The following DPYD variants were observed in gnomAD, a reference collection of about 807,000 sequenced individuals.
The protein encoded by DPYD is dihydropyrimidine dehydrogenase [NADP(+)].
Under a neutral mutation model 116.2 loss-of-function variants are expected in DPYD, and 109 were observed. That is an observed-to-expected ratio of 0.94 (90% CI 0.80 to 1.10). The LOEUF (loss-of-function observed/expected upper bound fraction) is 1.10. Ranked by LOEUF, DPYD falls within the 50% of genes least tolerant of loss-of-function variation. The pLI is 0.00. For missense variants in DPYD, 1,302 were observed against 1,254.5 expected (o/e 1.04, Z -0.57); for synonymous variants, 440 against 432.0 (o/e 1.02, Z -0.23).
At chr1:97,217,346 T>C (rs1019812242) in intron 19 of DPYD, among the ~76,000 whole-genome samples, 1 of 152,242 alleles carries the variant, frequency 6.6e-6, no homozygotes, top group Non-Finnish European at 1.5e-5. Flanking sequence ...ATCCTAAATC[T>C]GGTTTCTGAA....
chr1:97,087,401 C>A (rs770717611), intron 21 of DPYD, among the ~76,000 whole-genome samples: 2 of 152,128 alleles, frequency 1.3e-5, no homozygotes, highest in African/African-American at 4.8e-5. Context: ...ACTAAGGACT[C>A]GGCTTGAATA....
chr1:97,534,142 C>T (rs1490221275), intron 12 of DPYD, among the ~76,000 whole-genome samples: 1 of 152,060 alleles, frequency 6.6e-6, no homozygotes, highest in African/African-American at 2.4e-5. Flanking sequence ...TGGCCAACCA[C>T]CAACAATAAG....
At chr1:97,400,814 T>C (rs1673329954) in intron 14 of DPYD, among the ~76,000 whole-genome samples, 1 of 152,196 alleles carries the variant, frequency 6.6e-6, no homozygotes, top group African/African-American at 2.4e-5. Context: ...TCATTTTGTA[T>C]TGTGTCTATT....
chr1:97,463,103 T>G (rs915004781), intron 13 of DPYD, among the ~76,000 whole-genome samples: 1 of 152,216 alleles, frequency 6.6e-6, no homozygotes, highest in Non-Finnish European at 1.5e-5. Context: ...ATGTATATCT[T>G]GCATGTAATG....
chr1:97,608,415 G>T (rs1300848870), intron 8 of DPYD, among the ~76,000 whole-genome samples: 1 of 151,840 alleles, frequency 6.6e-6, no homozygotes, highest in Non-Finnish European at 1.5e-5. Context: ...CCCACAGAAG[G>T]GTACATTCAC....
intron 18 of DPYD, among the ~76,000 whole-genome samples, chr1:97,258,178 C>G (rs1239177285): frequency 1.3e-5 from 2 of 152,088 alleles, no homozygotes; most frequent in South Asian, 2.1e-4. Flanking sequence ...GGGACACACA[C>G]TACAGCCTCC....
At chr1:97,348,110 T>G (rs1481072992) in intron 16 of DPYD, among the ~76,000 whole-genome samples, 2 of 152,092 alleles carry the variant, frequency 1.3e-5, no homozygotes, top group Admixed American at 1.3e-4. Flanking sequence ...TTTGAGAAAA[T>G]CCTTTCCAAG....
chr1:97,729,275 C>T (rs1487193305), intron 4 of DPYD, among the ~76,000 whole-genome samples: 2 of 152,082 alleles, frequency 1.3e-5, no homozygotes, highest in Non-Finnish European at 2.9e-5. Flanking sequence ...TTATACTATG[C>T]ACAAGCAATA....
At chr1:97,483,440 G>A (rs1259027666) in intron 13 of DPYD, among the ~76,000 whole-genome samples, 1 of 152,094 alleles carries the variant, frequency 6.6e-6, no homozygotes, top group Non-Finnish European at 1.5e-5. Flanking sequence ...CTTATAAGTG[G>A]AAGCTGAACA....
At chr1:97,868,304 C>T (rs1220958361) in intron 2 of DPYD, among the ~76,000 whole-genome samples, 1 of 151,452 alleles carries the variant, frequency 6.6e-6, no homozygotes, top group Non-Finnish European at 1.5e-5. Context: ...CCACAGTAGG[C>T]CATAAAGGAA....
chr1:97,587,628 C>T (rs1654222560), intron 10 of DPYD, among the ~76,000 whole-genome samples: 2 of 151,796 alleles, frequency 1.3e-5, no homozygotes, highest in African/African-American at 4.8e-5. Context: ...GATGGGGACC[C>T]TCCTGGCTAA....
intron 18 of DPYD, among the ~76,000 whole-genome samples, chr1:97,259,818 A>T (rs1036465377): frequency 1.3e-5 from 2 of 152,152 alleles, no homozygotes; most frequent in African/African-American, 4.8e-5. Flanking sequence ...TACAAGTCAG[A>T]CTAGCCAGAC....
At chr1:97,858,670 T>C (rs1022021612) in intron 2 of DPYD, among the ~76,000 whole-genome samples, 1 of 152,076 alleles carries the variant, frequency 6.6e-6, no homozygotes, top group Non-Finnish European at 1.5e-5. Context: ...GATACTAATA[T>C]ATTTACCAAA....
chr1:97,600,298 A>G (rs1655169991), intron 8 of DPYD, among the ~76,000 whole-genome samples: 1 of 152,160 alleles, frequency 6.6e-6, no homozygotes, highest in South Asian at 2.1e-4. Context: ...TATGTTACTC[A>G]GTCCTTATTT....
chr1:97,286,322 T>A (rs1303480390), intron 18 of DPYD, among the ~76,000 whole-genome samples: 4 of 152,098 alleles, frequency 2.6e-5, no homozygotes, highest in Non-Finnish European at 2.9e-5. Context: ...TTTGTGGGTA[T>A]CCCGACCTTT....
intron 7 of DPYD, among the ~76,000 whole-genome samples, chr1:97,688,637 A>G (rs564246122): frequency 6.6e-6 from 1 of 152,232 alleles, no homozygotes; most frequent in African/African-American, 2.4e-5. Context: ...TAACTCTATT[A>G]TCAAAAATTC....
intron 16 of DPYD, among the ~76,000 whole-genome samples, chr1:97,370,441 G>T (rs189144065): frequency 6.6e-6 from 1 of 152,092 alleles, no homozygotes; most frequent in African/African-American, 2.4e-5. Context: ...AGAGGGCTGA[G>T]AGCATTAGGA....
intron 11 of DPYD, 76 bp from the exon 12 acceptor site, chr1:97,549,820 A>C (rs1029626718): frequency 7.7e-5 from 100 of 1,296,610 alleles, no homozygotes; most frequent in Non-Finnish European, 1.0e-4. Context: ...TAAAATTAAG[A>C]AAAATTATGG....
Position 97,798,542 on chromosome 1 carries a change from T to C in DPYD, c.233+29572A>G, listed in dbSNP as rs144441282. 2.7e-3 allele frequency among the ~76,000 whole-genome samples: 417 copies of C among 152,104 alleles called. 2 individuals carry two copies. The highest frequency in any genetic ancestry group is 8.9e-3 in the African/African-American group (371 of 41,534). ...TTTGCAATATTTGTTAAATATTCAATATTTGTTATTATAAAATGAGTATAC... is the reference window on the plus strand; with the variant it reads ...TTTGCAATATTTGTTAAATATTCAACATTTGTTATTATAAAATGAGTATAC... On this transcript the variant is annotated intron_variant, in intron 3 of 22. Coordinates refer to ENST00000370192, the MANE Select transcript of DPYD (RefSeq NM_000110.4).
Sources: allele counts gnomAD v4.1 joint callset (sites outside exome capture counted in the v4.1 genomes callset), GRCh38; gene constraint gnomAD v4.1.1; transcripts MANE v1.5; gene names NCBI Gene and HGNC (gene_info 2026-07-23, HGNC 2026-07-21).